MGAM: variants seen among roughly 807,000 people sequenced by gnomAD.
MGAM encodes maltase-glucoamylase.
In MGAM, 253 loss-of-function variants were observed where a neutral mutation model predicts 358.8. That is an observed-to-expected ratio of 0.71 (90% CI 0.64 to 0.78). MGAM has a LOEUF of 0.78. MGAM is among the 30% of genes least tolerant of loss of function. The pLI is 0.00. For missense variants in MGAM, 3,080 were observed against 3,432.6 expected (o/e 0.90, Z 2.57); for synonymous variants, 1,105 against 1,227.1 (o/e 0.90, Z 2.08).
intron 26 of MGAM, among the ~76,000 whole-genome samples, chr7:142,053,480 A>T (rs1296834996): frequency 6.6e-6 from 1 of 152,186 alleles, no homozygotes; most frequent in African/African-American, 2.4e-5. Flanking sequence ...TGCTTGATCA[A>T]TGTAAGATGA....
In MGAM at chr7:142,091,932, C is replaced by A; in HGVS notation, c.6830C>A (p.Ala2277Asp). Residue 2277 changes from alanine to aspartate, a missense_variant, in exon 58 of 71, where the codon GCC (alanine) becomes GAC (aspartate). Physicochemically the swap from Ala to Asp is moderately radical, Grantham distance 126. Transcript: ENST00000475668. ...SQVELYRAYV[A>D]FPDFFRNSTA... is the part of the protein sequence containing the mutation. Reference sequence around the variant, plus strand: ...TTATAGCTATATCGAGCTTATGTGGCCTTCCCAGACTTTTTCCGTAATTCA... The same window carrying A: ...TTATAGCTATATCGAGCTTATGTGGACTTCCCAGACTTTTTCCGTAATTCA... 1 of 1,514,300 alleles carries A rather than the reference C, an allele frequency of 6.6e-7. No homozygotes were observed. 93.8% of individuals were successfully genotyped at this position (1,514,300 alleles called of 1,614,324 possible). A position where few individuals can be genotyped will look rare whatever the true frequency, so the allele number is the denominator to read the frequency against.
chr7:142,060,230 G>A, intron 33 of MGAM, 81 bp from the exon 34 acceptor site: 3 of 1,562,660 alleles, frequency 1.9e-6, no homozygotes, highest in Non-Finnish European at 2.6e-6. Context: ...TAGGAGCACG[G>A]TTTGTATAAC....
intron 68 of MGAM, among the ~76,000 whole-genome samples, chr7:142,101,331 T>G (rs1326735307): frequency 6.6e-6 from 1 of 151,802 alleles, no homozygotes; most frequent in Non-Finnish European, 1.5e-5. Context: ...GCTCAAGAAA[T>G]TATTAGCTAT....
At chr7:142,050,404 A>G in intron 23 of MGAM, 120 bp downstream of exon 23, 2 of 1,161,236 alleles carry the variant, frequency 1.7e-6, no homozygotes, top group Non-Finnish European at 2.6e-6. Flanking sequence ...ATTATTGGCT[A>G]TAGGTGAGTA....
Position 142,062,595 on chromosome 7 carries a change from G to A in MGAM, c.4150G>A (p.Asp1384Asn). 1 of 1,608,978 alleles carries A rather than the reference G, an allele frequency of 6.2e-7. No individual in the cohort carries two copies. Among genetic ancestry groups the A allele is most frequent in the Non-Finnish European group, 8.5e-7 (1 of 1,176,868 alleles). Residue 1384 changes from aspartate to asparagine, a missense_variant, in exon 35 of 71, where the codon GAC (aspartate) becomes AAC (asparagine). By Grantham distance (23) the Asp-to-Asn change is conservative. Transcript: ENST00000475668. The part of the protein sequence containing the change: ...ELYRAYVAFP[D>N]FFRNSTAKWW... ...ATATCGAGCTTATGTGGCCTTCCCA[G>A]ACTTTTTCCGTAATTCAACTGCCAA...
rs548343924 is a variant in MGAM, at chr7:142,027,878, CA to C, written c.1221+144del. ...AGTTTTAGATATTCAGAATACTAGACATTTTTTTTTTTGTTGGACCAGTAAT... is the reference window on the plus strand; with the variant it reads ...AGTTTTAGATATTCAGAATACTAGACTTTTTTTTTTTGTTGGACCAGTAAT... On this transcript the variant is annotated intron_variant, in intron 10 of 70. Coordinates refer to ENST00000475668, the MANE Select transcript of MGAM (RefSeq NM_001365693.1). The C allele has an allele frequency of 2.5e-5, 20 of 809,368 alleles. No homozygotes were observed. In the African/African-American group the frequency reaches 3.7e-4, roughly 15 times the overall value. The allele number at this position is 809,368 out of a possible 1,614,324, so 50.1% of individuals were successfully genotyped here. A position where few individuals can be genotyped will look rare whatever the true frequency, so the allele number is the denominator to read the frequency against.
chr7:142,083,227 G>T lies in MGAM; in HGVS notation c.6269-74G>T. 2 of 1,158,520 alleles carry T rather than the reference G, an allele frequency of 1.7e-6. 1 individual carries two copies. The highest frequency in any genetic ancestry group is 2.5e-6 in the Non-Finnish European group (2 of 802,388). The allele number at this position is 1,158,520 out of a possible 1,614,324, so 71.8% of individuals were successfully genotyped here. A position where few individuals can be genotyped will look rare whatever the true frequency, so the allele number is the denominator to read the frequency against. On this transcript the variant is annotated intron_variant, in intron 52 of 70. Transcript: ENST00000475668. ...CGATAGGGAGGGTGCAGGAAATAGA[G>T]AATGTGTGGATTTCAGGGGTGATTC...
rs1816860323 is a variant in MGAM, at chr7:142,106,388, A to G, written c.*497A>G. 1 of 152,404 alleles carries G rather than the reference A, an allele frequency of 6.6e-6. No individual in the cohort carries two copies. The allele number at this position is 152,404 out of a possible 1,614,324, so 9.4% of individuals were successfully genotyped here. On this transcript the variant is annotated 3_prime_UTR_variant, in exon 71 of 71. Coordinates refer to ENST00000475668, the MANE Select transcript of MGAM (RefSeq NM_001365693.1). ...ATTGGTTATAGGTGGGGGGAGCATG[A>G]TAAGCAAAGAAAAGGCAAACACAAG...
At chr7:142,027,928 T>C (rs1807123588) in intron 10 of MGAM, among the ~76,000 whole-genome samples, 193 bp downstream of exon 10, 1 of 152,188 alleles carries the variant, frequency 6.6e-6, no homozygotes, top group Non-Finnish European at 1.5e-5. Flanking sequence ...CATTGTTCTT[T>C]ATAGTATGAA....
At chr7:141,986,669 T>G (rs1803717540) in intron 2 of MGAM, among the ~76,000 whole-genome samples, 2 of 152,168 alleles carry the variant, frequency 1.3e-5, no homozygotes, top group Admixed American at 1.3e-4. Context: ...AATTTAGTGT[T>G]TGATGTTGAA....
chr7:142,055,784 G>T (rs1209357723), intron 28 of MGAM, 58 bp downstream of exon 28: 13 of 1,601,922 alleles, frequency 8.1e-6, no homozygotes, highest in Middle Eastern at 1.7e-4. Context: ...CACTGCTCAG[G>T]CTTTGGGCTT....
rs1563191813 is a variant in MGAM, at chr7:142,068,180, G to A, written c.5005-467G>A. Among the ~76,000 whole-genome samples, 3 of 132,584 alleles carry A rather than the reference G, an allele frequency of 2.3e-5. 1 individual carries two copies. Among genetic ancestry groups the A allele is most frequent in the Non-Finnish European group, 5.1e-5 (3 of 58,542 alleles). 87.0% of individuals were successfully genotyped at this position (132,584 alleles called of 152,430 possible). A position where few individuals can be genotyped will look rare whatever the true frequency, so the allele number is the denominator to read the frequency against. ...TTTTTTTTCTTTTTTTGTATGTTTA[G>A]TAGAGATGGGGTTTCACTGTATTAG... On this transcript the variant is annotated intron_variant, in intron 42 of 70. Coordinates refer to ENST00000475668, the MANE Select transcript of MGAM (RefSeq NM_001365693.1).
At chr7:141,994,908 C>T (rs1343414762), upstream of MGAM, among the ~76,000 whole-genome samples, 2 of 152,174 alleles carry the variant, frequency 1.3e-5, no homozygotes, top group Non-Finnish European at 2.9e-5. Context: ...ATAAATTACC[C>T]AGTCTCAGGC....
intron 26 of MGAM, among the ~76,000 whole-genome samples, chr7:142,053,391 A>C (rs544043995): frequency 6.6e-6 from 1 of 152,194 alleles, no homozygotes; most frequent in Admixed American, 6.5e-5. Flanking sequence ...AACATCAAGA[A>C]TGATGACCGT....
intron 4 of MGAM, 36 bp from the exon 5 acceptor site, chr7:142,020,938 G>T: frequency 7.1e-7 from 1 of 1,407,270 alleles, no homozygotes; most frequent in Non-Finnish European, 1.0e-6. Flanking sequence ...AATTTGCAGA[G>T]TCAACTATGA....
At chr7:142,100,980 T>C (rs750346941) in intron 68 of MGAM, 90 bp downstream of exon 68, 2 of 1,185,048 alleles carry the variant, frequency 1.7e-6, no homozygotes, top group Non-Finnish European at 2.4e-6. Flanking sequence ...TTCCCTATTA[T>C]AACAATTTTG....
chr7:141,996,126 A>C (rs141277257), intron 1 of MGAM, among the ~76,000 whole-genome samples, 196 bp downstream of exon 1: 1 of 151,838 alleles, frequency 6.6e-6, no homozygotes, highest in East Asian at 1.9e-4. Flanking sequence ...GTGAAACCCC[A>C]TCTCTACTAA....
chr7:142,041,984 TATA>T (rs1808764982), intron 21 of MGAM, among the ~76,000 whole-genome samples: 4 of 55,082 alleles, frequency 7.3e-5, no homozygotes, highest in Admixed American at 3.0e-4. Context: ...ATATATATAA[TATA>T]ATATATATAT....
chr7:142,046,777 G>A (rs553030597), intron 21 of MGAM, among the ~76,000 whole-genome samples: 58 of 152,042 alleles, frequency 3.8e-4, no homozygotes, highest in African/African-American at 1.2e-3. Flanking sequence ...AAGAATATCC[G>A]GTCCACCATA....
Sources: allele counts gnomAD v4.1 joint callset (sites outside exome capture counted in the v4.1 genomes callset), GRCh38; gene constraint gnomAD v4.1.1; transcripts MANE v1.5; gene names NCBI Gene and HGNC (gene_info 2026-07-23, HGNC 2026-07-21).